The following STPG2 variants were observed in gnomAD, a reference collection of about 807,000 sequenced individuals.
STPG2 encodes the protein sperm tail PG-rich repeat containing 2.
In STPG2, 56 loss-of-function variants were observed where a neutral mutation model predicts 54.2. The ratio of observed to expected loss-of-function variants is 1.03; its 90% CI spans 0.83 to 1.29. The LOEUF (loss-of-function observed/expected upper bound fraction) is 1.29, where lower values mean the gene tolerates loss of function less well. Ranked by LOEUF, STPG2 falls within the 50% of genes most tolerant of loss-of-function variation. The pLI is 0.00. For synonymous variants in STPG2, 200 were observed against 181.8 expected (o/e 1.10, Z -0.81); for missense variants, 596 against 544.9 (o/e 1.09, Z -0.93).
intron 10 of STPG2, among the ~76,000 whole-genome samples, chr4:97,675,336 AT>A (rs1447604943): frequency 2.0e-5 from 3 of 152,186 alleles, no homozygotes; most frequent in Non-Finnish European, 2.9e-5. Flanking sequence ...TCTATGAAGT[AT>A]AAGTTTCTAT....
chr4:97,585,821 C>CA (rs1254416537), intron 10 of STPG2, among the ~76,000 whole-genome samples: 1 of 151,848 alleles, frequency 6.6e-6, no homozygotes, highest in Non-Finnish European at 1.5e-5. Flanking sequence ...CCTTAACCCT[C>CA]AAAAACAGAT....
intron 9 of STPG2, among the ~76,000 whole-genome samples, chr4:97,794,996 G>GA (rs950971034): frequency 3.3e-5 from 5 of 151,686 alleles, no homozygotes; most frequent in Middle Eastern, 3.4e-3. Context: ...ATAATACACA[G>GA]AAAAAAAATA....
At chr4:97,635,225 A>T (rs1721466643) in intron 10 of STPG2, among the ~76,000 whole-genome samples, 1 of 152,208 alleles carries the variant, frequency 6.6e-6, no homozygotes, top group African/African-American at 2.4e-5. Context: ...CCAGAATTTC[A>T]TATCCAGCCA....
At chr4:97,889,455 G>A (rs952358190) in intron 8 of STPG2, among the ~76,000 whole-genome samples, 24 of 152,088 alleles carry the variant, frequency 1.6e-4, no homozygotes, top group East Asian at 1.4e-3. Context: ...AAGAAAGTGC[G>A]GTATATATAC....
intron 4 of STPG2, among the ~76,000 whole-genome samples, chr4:97,504,118 A>G (rs1730795986): frequency 6.9e-6 from 1 of 145,308 alleles, no homozygotes; most frequent in African/African-American, 2.5e-5. Context: ...ATAAATATTT[A>G]TTTAAATATT....
chr4:97,963,644 C>A (rs982458628), intron 7 of STPG2, among the ~76,000 whole-genome samples: 1 of 151,518 alleles, frequency 6.6e-6, no homozygotes. Context: ...AAGAGTGAGA[C>A]CCTATTTGAA....
At chr4:97,886,186 G>A (rs988006580) in intron 8 of STPG2, among the ~76,000 whole-genome samples, 4 of 152,150 alleles carry the variant, frequency 2.6e-5, no homozygotes, top group Non-Finnish European at 4.4e-5. Flanking sequence ...TCTTCCTAGA[G>A]TGGCAAAATC....
At position 97,507,160 on chromosome 4, in the gene STPG2, A is replaced by T. The variant is rs12508839; in HGVS notation, c.462+205539T>A. 9.2e-3 allele frequency among the ~76,000 whole-genome samples: 1,395 copies of T among 152,158 alleles called. 68 individuals carry two copies. Among genetic ancestry groups the T allele is most frequent in the Admixed American group, 0.083 (1,270 of 15,228 alleles). On this transcript the variant is annotated intron_variant, in intron 4 of 4. Coordinates refer to the STPG2 transcript ENST00000522676. ...ACATAGTGAGATCCCTTCTCTAAAAAAACAAAAACAGAATAAAACAAACAG... is the reference window on the plus strand; with the variant it reads ...ACATAGTGAGATCCCTTCTCTAAAATAACAAAAACAGAATAAAACAAACAG...
intron 9 of STPG2, among the ~76,000 whole-genome samples, chr4:97,835,383 A>G (rs1728599685): frequency 6.6e-6 from 1 of 152,292 alleles, no homozygotes; most frequent in East Asian, 1.9e-4. Context: ...TAATCAAGAA[A>G]TAACTGTAAA....
intron 9 of STPG2, among the ~76,000 whole-genome samples, chr4:97,815,779 G>A (rs896425029): frequency 1.3e-5 from 2 of 152,066 alleles, no homozygotes; most frequent in African/African-American, 2.4e-5. Flanking sequence ...ATTAAGTATG[G>A]TTTAAGTAGA....
At chr4:98,027,692 A>C in intron 5 of STPG2, among the ~76,000 whole-genome samples, 1 of 152,116 alleles carries the variant, frequency 6.6e-6, no homozygotes, top group East Asian at 1.9e-4. Context: ...TGTAAGGAAA[A>C]CTCCATTGAG....
chr4:97,477,346 T>A (rs916043579), intron 4 of STPG2, among the ~76,000 whole-genome samples: 1 of 152,172 alleles, frequency 6.6e-6, no homozygotes, highest in Non-Finnish European at 1.5e-5. Flanking sequence ...ATCACCTGAG[T>A]GGATGCCATT....
At position 97,963,630 on chromosome 4, in the gene STPG2, G is replaced by A. The variant is rs79205515; in HGVS notation, c.933+8650C>T. Among the ~76,000 whole-genome samples the A allele has an allele frequency of 5.0e-3, 754 of 151,924 alleles. 10 individuals carry two copies. The highest frequency in any genetic ancestry group is 0.017 in the African/African-American group (712 of 41,474). ...TACCTGCACCATTGCACTCCAGCCT[G>A]GGCAAGAGTGAGACCCTATTTGAAA... On this transcript the variant is annotated intron_variant, in intron 7 of 10. Coordinates refer to ENST00000295268, the MANE Select transcript of STPG2 (RefSeq NM_174952.3).
chr4:97,933,154 T>C (rs1389288767), intron 8 of STPG2, among the ~76,000 whole-genome samples: 3 of 152,146 alleles, frequency 2.0e-5, no homozygotes, highest in East Asian at 1.9e-4. Context: ...TTATTGGCCA[T>C]ATAAATGTCT....
intron 5 of STPG2, among the ~76,000 whole-genome samples, chr4:97,983,373 C>A (rs1013288034): frequency 2.6e-5 from 4 of 152,044 alleles, no homozygotes; most frequent in Admixed American, 1.3e-4. Context: ...CAATTTGTAG[C>A]TAAGTTTGGG....
chr4:97,938,452 A>ATGG (rs371270694), intron 8 of STPG2, among the ~76,000 whole-genome samples: 126,936 of 151,616 alleles, frequency 0.84, 53,315 homozygotes, highest in Middle Eastern at 0.94. Context: ...AGCCACAGTG[A>ATGG]CTAAGTCAGA....
chr4:98,062,855 G>A (rs897572618), intron 5 of STPG2, among the ~76,000 whole-genome samples: 19 of 152,046 alleles, frequency 1.2e-4, no homozygotes, highest in African/African-American at 4.6e-4. Context: ...AAGCCACAAA[G>A]AAGAATTCAT....
At chr4:97,679,074 T>C (rs373688983) in intron 10 of STPG2, among the ~76,000 whole-genome samples, 6 of 152,218 alleles carry the variant, frequency 3.9e-5, no homozygotes, top group African/African-American at 1.2e-4. Context: ...TGAATAGTGC[T>C]GCAATAAACA....
In STPG2 at chr4:97,841,775, A is replaced by C. The variant is rs995023828; in HGVS notation, c.1045-843T>G. Among the ~76,000 whole-genome samples, 3 of 151,720 alleles carry C rather than the reference A, an allele frequency of 2.0e-5. No individual in the cohort carries two copies. In the Admixed American group the frequency reaches 2.0e-4, roughly 10 times the overall value. ...CTATGTGACCTTAAGCAAGCCACTT[A>C]CCCTCTGTGTTCCTGAGTTTTTGCA... On this transcript the variant is annotated intron_variant, in intron 8 of 10. Transcript: ENST00000295268.
Sources: allele counts gnomAD v4.1 joint callset (sites outside exome capture counted in the v4.1 genomes callset), GRCh38; gene constraint gnomAD v4.1.1; transcripts MANE v1.5; gene names NCBI Gene and HGNC (gene_info 2026-07-23, HGNC 2026-07-21).